Variants in OLFML2B observed in about 807,000 individuals in gnomAD.
The protein encoded by OLFML2B is olfactomedin like 2B.
OLFML2B carries 57 observed loss-of-function variants against 74.9 expected under a neutral mutation model. That is an observed-to-expected ratio of 0.76 (90% CI 0.61 to 0.95). The LOEUF is 0.95. Ranked by LOEUF, OLFML2B falls within the 40% of genes least tolerant of loss-of-function variation. The pLI is 0.00. For synonymous variants in OLFML2B, 388 were observed against 405.8 expected (o/e 0.96, Z 0.53); for missense variants, 986 against 970.6 (o/e 1.02, Z -0.21).
chr1:161,993,445 C>T (rs1486826055), intron 6 of OLFML2B, among the ~76,000 whole-genome samples: 3 of 152,192 alleles, frequency 2.0e-5, no homozygotes, highest in African/African-American at 4.8e-5. Context: ...AACTCCAGGG[C>T]AGGGCCCCTG....
At chr1:162,017,301 C>T in intron 3 of OLFML2B, 99 bp downstream of exon 3, 1 of 827,220 alleles carries the variant, frequency 1.2e-6, no homozygotes, top group African/African-American at 1.7e-5. Flanking sequence ...TGGGTTAAGT[C>T]TAGTCAGCAC....
chr1:161,986,323 C>G (rs1689592704), intron 6 of OLFML2B, among the ~76,000 whole-genome samples: 1 of 152,224 alleles, frequency 6.6e-6, no homozygotes, highest in Non-Finnish European at 1.5e-5. Flanking sequence ...CCAATCCGTT[C>G]CATCTACTCT....
At chr1:161,987,742 T>C (rs1418255958) in intron 6 of OLFML2B, among the ~76,000 whole-genome samples, 1 of 152,218 alleles carries the variant, frequency 6.6e-6, no homozygotes, top group Non-Finnish European at 1.5e-5. Flanking sequence ...CTTCTTGGGT[T>C]AGGGCACCCT....
chr1:161,999,343 T>C (rs1690018287), intron 5 of OLFML2B, among the ~76,000 whole-genome samples: 1 of 152,032 alleles, frequency 6.6e-6, no homozygotes, highest in South Asian at 2.1e-4. Context: ...GTATCCAGAA[T>C]ATGTAAAAAA....
intron 1 of OLFML2B, among the ~76,000 whole-genome samples, chr1:162,022,236 T>C (rs1292750680): frequency 7.1e-6 from 1 of 140,268 alleles, no homozygotes; most frequent in East Asian, 2.1e-4. Context: ...TCTACCCATG[T>C]ATCTCTTCTT....
At chr1:162,015,460 T>C (rs1252814670) in intron 3 of OLFML2B, among the ~76,000 whole-genome samples, 2 of 152,208 alleles carry the variant, frequency 1.3e-5, no homozygotes, top group Non-Finnish European at 2.9e-5. Context: ...TCTCAAGCTG[T>C]GTTCTCCAGG....
Position 161,984,270 on chromosome 1 carries a change from C to A in OLFML2B, c.1658G>T (p.Trp553Leu). 1 of 1,518,394 alleles carries A rather than the reference C, an allele frequency of 6.6e-7. No homozygotes were observed. Among genetic ancestry groups the A allele is most frequent in the Non-Finnish European group, 8.8e-7 (1 of 1,134,198 alleles). The allele number at this position is 1,518,394 out of a possible 1,614,324, so 94.1% of individuals were successfully genotyped here. The part of the protein sequence containing the change: ...RNLENFKQGR[W>L]SNSYKLPYSW... The stretch of plus-strand genomic sequence containing the variant: ...GTACGGGAGCTTGTAGGAATTGCTC[C>A]AGCGACCTGCAGGTGGGGAGAAAAC... The change falls in exon 8 of 8, where the codon TGG becomes TTG. Residue 553 changes from tryptophan to leucine, a missense_variant. By Grantham distance (61) the Trp-to-Leu change is moderately conservative (BLOSUM62 -2). Transcript: ENST00000294794.
intron 2 of OLFML2B, among the ~76,000 whole-genome samples, chr1:162,018,087 C>T (rs767501292): frequency 3.9e-5 from 6 of 152,114 alleles, no homozygotes; most frequent in Non-Finnish European, 8.8e-5. Flanking sequence ...ACAATGAGAA[C>T]TCAAAGACAC....
At position 161,984,033 on chromosome 1, in the gene OLFML2B, A is replaced by G; in HGVS notation, c.1895T>C (p.Ile632Thr). 6.2e-7 allele frequency: 1 copy of G among 1,614,182 alleles called. No individual in the cohort carries two copies. Among genetic ancestry groups the G allele is most frequent in the Non-Finnish European group, 8.5e-7 (1 of 1,180,038 alleles). The change falls in exon 8 of 8, where the codon ATC (isoleucine) becomes ACC (threonine). Residue 632 changes from isoleucine (I) to threonine (T), a missense_variant. Ile to Thr is a moderately conservative substitution (Grantham distance 89). Transcript: ENST00000294794. ...FAVDENGLWL[I>T]YPALDDEGFS... ...GCCCTCATCGTCCAGGGCCGGGTAGATGAGCCATAGGCCATTCTCGTCCAC... is the reference window on the plus strand; with the variant it reads ...GCCCTCATCGTCCAGGGCCGGGTAGGTGAGCCATAGGCCATTCTCGTCCAC...
At chr1:162,017,960 A>G (rs1690594581) in intron 2 of OLFML2B, among the ~76,000 whole-genome samples, 1 of 152,188 alleles carries the variant, frequency 6.6e-6, no homozygotes, top group Non-Finnish European at 1.5e-5. Context: ...CCATGAAAAA[A>G]ATGAGATCAT....
chr1:161,995,948 C>A (rs764580926), intron 6 of OLFML2B, among the ~76,000 whole-genome samples: 2 of 152,192 alleles, frequency 1.3e-5, no homozygotes, highest in East Asian at 3.9e-4. Context: ...AAAGGCCAGG[C>A]TGCCCAGAGC....
intron 6 of OLFML2B, among the ~76,000 whole-genome samples, chr1:161,990,447 A>G (rs948636079): frequency 6.6e-6 from 1 of 152,260 alleles, no homozygotes; most frequent in South Asian, 2.1e-4. Flanking sequence ...TTTGTTTCCC[A>G]GTGAGTATAA....
intron 5 of OLFML2B, among the ~76,000 whole-genome samples, chr1:161,998,913 G>A (rs1446307925): frequency 3.9e-5 from 6 of 152,232 alleles, no homozygotes; most frequent in African/African-American, 7.2e-5. Flanking sequence ...CTGCCTGGAG[G>A]AGGTGAAGGA....
Position 162,000,285 on chromosome 1 carries a change from G to A in OLFML2B, c.777C>T (p.Ile259=), listed in dbSNP as rs187153444. ...CCAGGGGTCGCGTCTGCAGAAGTTCGATGGAGTTGATCTGCTGGGACACGG... is the reference window on the plus strand; with the variant it reads ...CCAGGGGTCGCGTCTGCAGAAGTTCAATGGAGTTGATCTGCTGGGACACGG... ...EETVSQQINS[I]ELLQTRPLAL... Residue 259 remains isoleucine (I), a synonymous_variant, in exon 5 of 8, where the codon ATC becomes ATT. Transcript: ENST00000294794. The A allele has an allele frequency of 5.4e-5, 87 of 1,613,376 alleles. No homozygotes were observed. The Admixed American group carries it at 8.3e-4, about 15-fold the overall frequency.
chr1:161,985,203 T>C, intron 6 of OLFML2B: 1 of 472,302 alleles, frequency 2.1e-6, no homozygotes, highest in Non-Finnish European at 3.8e-6. Context: ...CTTTGGCAAC[T>C]TTCACACCAC....
At chr1:162,007,272 A>G (rs1361524602) in intron 3 of OLFML2B, among the ~76,000 whole-genome samples, 1 of 152,176 alleles carries the variant, frequency 6.6e-6, no homozygotes, top group Non-Finnish European at 1.5e-5. Context: ...ATAACTGGAG[A>G]CAGACAAACC....
At chr1:162,023,009 G>A (rs1435453673) in intron 1 of OLFML2B, among the ~76,000 whole-genome samples, 1 of 152,106 alleles carries the variant, frequency 6.6e-6, no homozygotes, top group African/African-American at 2.4e-5. Context: ...TCAAGAAGTC[G>A]AGCGGCATCT....
intron 6 of OLFML2B, among the ~76,000 whole-genome samples, chr1:161,985,593 C>A (rs1689572236): frequency 6.6e-6 from 1 of 152,168 alleles, no homozygotes; most frequent in African/African-American, 2.4e-5. Context: ...CTGGGTGTAA[C>A]CAGGAACTCG....
chr1:161,997,444 C>A (rs1689942918), intron 6 of OLFML2B, among the ~76,000 whole-genome samples: 1 of 152,136 alleles, frequency 6.6e-6, no homozygotes, highest in South Asian at 2.1e-4. Context: ...AGTAAAAACC[C>A]TTTGTTCTTT....
Sources: allele counts gnomAD v4.1 joint callset (sites outside exome capture counted in the v4.1 genomes callset), GRCh38; gene constraint gnomAD v4.1.1; transcripts MANE v1.5; gene names NCBI Gene and HGNC (gene_info 2026-07-23, HGNC 2026-07-21).